The following MACROD2 variants were observed in gnomAD, a reference collection of about 807,000 sequenced individuals.
MACROD2 encodes the protein mono-ADP ribosylhydrolase 2.
In MACROD2, 36 loss-of-function variants were observed where a neutral mutation model predicts 70.4. That is an observed-to-expected ratio of 0.51 (90% CI 0.39 to 0.68). The LOEUF (loss-of-function observed/expected upper bound fraction) is 0.68, where lower values mean the gene tolerates loss of function less well. Ranked by LOEUF, MACROD2 falls within the 30% of genes least tolerant of loss-of-function variation. MACROD2 has a pLI of 0.00. For missense variants in MACROD2, 496 were observed against 538.4 expected (o/e 0.92, Z 0.78); for synonymous variants, 172 against 178.8 (o/e 0.96, Z 0.30).
intron 15 of MACROD2, among the ~76,000 whole-genome samples, chr20:16,015,197 A>C (rs1486753260): frequency 6.6e-6 from 1 of 152,230 alleles, no homozygotes; most frequent in Non-Finnish European, 1.5e-5. Context: ...CTGTTGATTT[A>C]ATTATTAAAA....
chr20:14,998,149 T>C lies in MACROD2; in HGVS notation c.419-231791T>C, dbSNP rs60821119. Among the ~76,000 whole-genome samples, 1,311 of 152,286 alleles carry C rather than the reference T, an allele frequency of 8.6e-3. 22 individuals are homozygous for C. The highest frequency in any genetic ancestry group is 0.051 in the Middle Eastern group (15 of 294). On this transcript the variant is annotated intron_variant, in intron 5 of 17. Transcript: ENST00000684519. Reference sequence around the variant, plus strand: ...CCTTCTCAGAAAGGTCGGGTACAAATAAGCCCAAACTGCAGAGGTTACAAT... The same window carrying C: ...CCTTCTCAGAAAGGTCGGGTACAAACAAGCCCAAACTGCAGAGGTTACAAT...
chr20:15,738,917 A>G (rs2051064545), intron 8 of MACROD2, among the ~76,000 whole-genome samples: 1 of 152,198 alleles, frequency 6.6e-6, no homozygotes, highest in Non-Finnish European at 1.5e-5. Context: ...AAAGTTGTTT[A>G]TGGAGTTGTT....
At chr20:15,387,115 C>G (rs1313927521) in intron 6 of MACROD2, among the ~76,000 whole-genome samples, 1 of 152,072 alleles carries the variant, frequency 6.6e-6, no homozygotes, top group Non-Finnish European at 1.5e-5. Flanking sequence ...GAAAACAAAG[C>G]CAAACTGGCA....
In MACROD2 at chr20:15,862,781, G is replaced by T; in HGVS notation, c.682G>T (p.Asp228Tyr). ...CATTTTCTGTGTCTTCTTAGAAGTT[G>T]ACTTCAAAATCTACAAAAAGAAAAT... ...RIIFCVFLEV[D>Y]FKIYKKKMNE... The change falls in exon 9 of 18, where the codon GAC becomes TAC. Residue 228 changes from aspartate (D) to tyrosine (Y), a missense_variant. Asp to Tyr is a radical substitution (Grantham distance 160). Coordinates refer to ENST00000684519, the MANE Select transcript of MACROD2 (RefSeq NM_001351661.2). 1 of 1,612,772 alleles carries T rather than the reference G, an allele frequency of 6.2e-7. No homozygotes were observed. The highest frequency in any genetic ancestry group is 1.1e-5 in the South Asian group (1 of 90,894).
At chr20:15,843,354 G>A (rs1214759376) in intron 8 of MACROD2, among the ~76,000 whole-genome samples, 1 of 152,136 alleles carries the variant, frequency 6.6e-6, no homozygotes, top group Admixed American at 6.6e-5. Context: ...TGCACTGTGA[G>A]CAGAGTGACA....
intron 5 of MACROD2, among the ~76,000 whole-genome samples, chr20:14,848,441 C>T (rs1229408606): frequency 6.6e-6 from 1 of 152,116 alleles, no homozygotes; most frequent in African/African-American, 2.4e-5. Flanking sequence ...AAAGTTGGCC[C>T]TTGCTCTTTT....
Position 16,053,155 on chromosome 20 carries a change from G to C in MACROD2, c.*3279G>C, listed in dbSNP as rs2067479811. The stretch of plus-strand genomic sequence containing the variant: ...TGTTGCCTTCATACTATATTTGTTA[G>C]AGCAGAATACAAATAAAATTTGTTT... On this transcript the variant is annotated 3_prime_UTR_variant, in exon 18 of 18. Coordinates refer to ENST00000684519, the MANE Select transcript of MACROD2 (RefSeq NM_001351661.2). 1.6e-5 allele frequency: 2 copies of C among 123,320 alleles called. No homozygotes were observed. The highest frequency in any genetic ancestry group is 3.6e-5 in the Non-Finnish European group (2 of 55,732). 7.6% of individuals were successfully genotyped at this position (123,320 alleles called of 1,614,324 possible).
intron 6 of MACROD2, among the ~76,000 whole-genome samples, chr20:15,237,906 G>T (rs1018851783): frequency 6.6e-6 from 1 of 152,182 alleles, no homozygotes; most frequent in Non-Finnish European, 1.5e-5. Flanking sequence ...AAAAGCTCAG[G>T]CAGAGAGTGA....
intron 1 of MACROD2, 25 bp from the exon 2 acceptor site, chr20:14,002,263 G>A: frequency 4.2e-6 from 6 of 1,415,828 alleles, no homozygotes; most frequent in South Asian, 1.2e-5. Flanking sequence ...AAATACAAAT[G>A]GAGATTCTGC....
intron 8 of MACROD2, among the ~76,000 whole-genome samples, chr20:15,576,609 T>C (rs1243475620): frequency 6.6e-6 from 1 of 150,646 alleles, no homozygotes; most frequent in African/African-American, 2.4e-5. Flanking sequence ...ACAGGAATTT[T>C]GACCTTTGGG....
chr20:15,204,396 G>A (rs2076683530), intron 5 of MACROD2, among the ~76,000 whole-genome samples: 1 of 152,038 alleles, frequency 6.6e-6, no homozygotes. Flanking sequence ...AATTCTAATA[G>A]GTCTAATTGC....
intron 8 of MACROD2, among the ~76,000 whole-genome samples, chr20:15,695,150 G>A (rs1395057250): frequency 6.6e-6 from 1 of 152,102 alleles, no homozygotes; most frequent in Non-Finnish European, 1.5e-5. Context: ...ATCAGGTAGT[G>A]TGATGTCTCC....
At chr20:14,377,835 T>C (rs1040190409) in intron 3 of MACROD2, among the ~76,000 whole-genome samples, 1 of 152,222 alleles carries the variant, frequency 6.6e-6, no homozygotes, top group African/African-American at 2.4e-5. Flanking sequence ...TAAAGTACCA[T>C]GTCAAATATT....
chr20:15,471,782 C>T (rs1186137048), intron 7 of MACROD2, among the ~76,000 whole-genome samples: 1 of 152,066 alleles, frequency 6.6e-6, no homozygotes, highest in African/African-American at 2.4e-5. Context: ...CAGTCAGCTC[C>T]TCTGCCTTTG....
intron 5 of MACROD2, among the ~76,000 whole-genome samples, chr20:14,860,408 G>A (rs1018646165): frequency 6.6e-6 from 1 of 151,974 alleles, no homozygotes; most frequent in Non-Finnish European, 1.5e-5. Context: ...TCCCCTTTGT[G>A]AAGCTGGGTG....
chr20:14,648,311 G>A (rs753099660), intron 4 of MACROD2, among the ~76,000 whole-genome samples: 11 of 152,112 alleles, frequency 7.2e-5, no homozygotes, highest in Non-Finnish European at 1.3e-4. Flanking sequence ...TTACAAATAA[G>A]ATATATTAGG....
chr20:14,113,814 A>C (rs189171805), intron 3 of MACROD2, among the ~76,000 whole-genome samples: 128 of 152,208 alleles, frequency 8.4e-4, no homozygotes, highest in African/African-American at 3.0e-3. Context: ...TTCTCTTATG[A>C]TTCCCTTTGT....
At chr20:15,908,857 C>A (rs2065189466) in intron 10 of MACROD2, among the ~76,000 whole-genome samples, 1 of 152,234 alleles carries the variant, frequency 6.6e-6, no homozygotes, top group Non-Finnish European at 1.5e-5. Context: ...GCTTTCCAAA[C>A]ACCCAAGTCA....
intron 5 of MACROD2, among the ~76,000 whole-genome samples, chr20:14,853,860 C>G (rs1374030331): frequency 1.3e-5 from 2 of 151,958 alleles, no homozygotes; most frequent in Non-Finnish European, 2.9e-5. Flanking sequence ...GGAAAAGTAA[C>G]AAGAATTTAA....
Sources: allele counts gnomAD v4.1 joint callset (sites outside exome capture counted in the v4.1 genomes callset), GRCh38; gene constraint gnomAD v4.1.1; transcripts MANE v1.5; gene names NCBI Gene and HGNC (gene_info 2026-07-23, HGNC 2026-07-21).